Variants in TYW1 observed in about 807,000 individuals in gnomAD.
TYW1 encodes S-adenosyl-L-methionine-dependent tRNA 4-demethylwyosine synthase TYW1.
A neutral mutation model predicts 96.2 loss-of-function variants in TYW1; 46 were observed. The ratio of observed to expected loss-of-function variants is 0.48; its 90% CI spans 0.38 to 0.61. The LOEUF is 0.61. TYW1 is among the 20% of genes least tolerant of loss of function. The pLI is 0.00. For synonymous variants in TYW1, 274 were observed against 323.0 expected (o/e 0.85, Z 1.63); for missense variants, 684 against 909.6 (o/e 0.75, Z 3.19).
chr7:67,160,555 T>C (rs1799129361), intron 13 of TYW1, among the ~76,000 whole-genome samples: 1 of 108,920 alleles, frequency 9.2e-6, no homozygotes, highest in Admixed American at 8.8e-5. Flanking sequence ...CATATACATA[T>C]ACATATACAT....
chr7:67,208,712 A>G (rs1239168215), intron 15 of TYW1, among the ~76,000 whole-genome samples: 3 of 146,304 alleles, frequency 2.1e-5, no homozygotes, highest in Non-Finnish European at 3.0e-5. Context: ...AAAAAAAACC[A>G]CAACATTCTA....
intron 11 of TYW1, among the ~76,000 whole-genome samples, chr7:67,084,378 C>T (rs1486604520): frequency 6.6e-6 from 1 of 152,154 alleles, no homozygotes; most frequent in East Asian, 1.9e-4. Flanking sequence ...CTCATATTAA[C>T]AAATATTGAC....
intron 15 of TYW1, among the ~76,000 whole-genome samples, chr7:67,208,689 C>CAAAA (rs10623787): frequency 1.2e-4 from 9 of 76,160 alleles, no homozygotes; most frequent in South Asian, 8.8e-4. Context: ...GACGCTGTCT[C>CAAAA]AAAAAAAAAA....
chr7:67,169,278 G>C (rs1372779580), intron 13 of TYW1, among the ~76,000 whole-genome samples: 4 of 152,052 alleles, frequency 2.6e-5, no homozygotes, highest in Non-Finnish European at 5.9e-5. Context: ...GTGGCTTTTA[G>C]TTTATTTACA....
At chr7:67,210,941 C>A (rs538508156) in intron 15 of TYW1, among the ~76,000 whole-genome samples, 2 of 150,764 alleles carry the variant, frequency 1.3e-5, no homozygotes, top group Non-Finnish European at 3.0e-5. Context: ...TCCATCCATC[C>A]ATCATCTGTC....
At chr7:67,233,627 T>C (rs1801803061) in intron 15 of TYW1, among the ~76,000 whole-genome samples, 1 of 136,350 alleles carries the variant, frequency 7.3e-6, no homozygotes, top group Admixed American at 7.4e-5. Context: ...GGTGACCTCG[T>C]GTCTCAGGAT....
At chr7:67,192,751 G>A (rs542598216) in intron 14 of TYW1, among the ~76,000 whole-genome samples, 1 of 152,238 alleles carries the variant, frequency 6.6e-6, no homozygotes, top group Admixed American at 6.5e-5. Flanking sequence ...TTGACATAGG[G>A]TTTTTGAGGG....
intron 12 of TYW1, among the ~76,000 whole-genome samples, chr7:67,107,467 G>A (rs1319962314): frequency 6.6e-6 from 1 of 152,182 alleles, no homozygotes; most frequent in Non-Finnish European, 1.5e-5. Flanking sequence ...AGTGCAGAGA[G>A]GTGGCAAAAA....
In TYW1 at chr7:67,184,648, TTTATGTTATGTTATGTTATGTTATG is replaced by T. The variant is rs199573674; in HGVS notation, c.1809+1458_1809+1482del. On this transcript the variant is annotated intron_variant, in intron 14 of 15. Transcript: ENST00000359626. Reference sequence around the variant, plus strand: ...TTTTATTTTATTTTATTTTATTTTATTTATGTTATGTTATGTTATGTTATGTTATGTTATGTTATGTTATGTTATG... The same window carrying T: ...TTTTATTTTATTTTATTTTATTTTATTTATGTTATGTTATGTTATGTTATG... Among the ~76,000 whole-genome samples the T allele has an allele frequency of 1.0e-3, 46 of 44,322 alleles. 4 individuals are homozygous for T. Among genetic ancestry groups the T allele is most frequent in the African/African-American group, 3.5e-3 (34 of 9,770 alleles). 29.1% of individuals were successfully genotyped at this position (44,322 alleles called of 152,430 possible).
At chr7:67,027,026 C>G (rs560412464) in intron 7 of TYW1, among the ~76,000 whole-genome samples, 8 of 151,954 alleles carry the variant, frequency 5.3e-5, no homozygotes, top group Non-Finnish European at 1.0e-4. Context: ...TAGTGAAACC[C>G]CATCTCTACA....
intron 13 of TYW1, among the ~76,000 whole-genome samples, chr7:67,153,420 C>T (rs1004857527): frequency 6.6e-6 from 1 of 152,156 alleles, no homozygotes; most frequent in Admixed American, 6.5e-5. Context: ...TGTGCCACTG[C>T]ACTCCAGCCT....
At chr7:67,040,295 A>G (rs1794975421) in intron 7 of TYW1, among the ~76,000 whole-genome samples, 1 of 152,072 alleles carries the variant, frequency 6.6e-6, no homozygotes, top group African/African-American at 2.4e-5. Flanking sequence ...AGAGTTGGTC[A>G]TTTGATGTGC....
intron 9 of TYW1, among the ~76,000 whole-genome samples, chr7:67,066,015 ACACACACACACACACACC>A (rs1330813068): frequency 7.4e-6 from 1 of 134,706 alleles, no homozygotes; most frequent in South Asian, 2.4e-4. Flanking sequence ...ACACACACAC[ACACACACACACACACACC>A]CACACCCCTA....
chr7:67,022,187 A>G (rs1449273565), intron 6 of TYW1, among the ~76,000 whole-genome samples: 2 of 152,248 alleles, frequency 1.3e-5, no homozygotes, highest in Non-Finnish European at 2.9e-5. Context: ...TGTTGGGATT[A>G]TAAGTGTGAG....
At chr7:67,006,023 T>TTGCCATAAAGGAA (rs1793572561) in intron 3 of TYW1, among the ~76,000 whole-genome samples, 1 of 152,192 alleles carries the variant, frequency 6.6e-6, no homozygotes, top group Admixed American at 6.6e-5. Context: ...CTGTTTTGCA[T>TTGCCATAAAGGAA]TGCCATAAAG....
At chr7:67,190,060 A>T (rs1378990441) in intron 14 of TYW1, among the ~76,000 whole-genome samples, 1 of 151,826 alleles carries the variant, frequency 6.6e-6, no homozygotes, top group Non-Finnish European at 1.5e-5. Flanking sequence ...GGACGTGCTC[A>T]GTAATTATTT....
At chr7:67,096,652 GT>G (rs561246486) in intron 11 of TYW1, among the ~76,000 whole-genome samples, 4,533 of 151,218 alleles carry the variant, frequency 0.03, 193 homozygotes, top group African/African-American at 0.1. Flanking sequence ...TGTCATGGGG[GT>G]TTGTTGTACA....
At chr7:67,194,869 G>A (rs2844097) in intron 14 of TYW1, among the ~76,000 whole-genome samples, 20,381 of 118,824 alleles carry the variant, frequency 0.17, 2,648 homozygotes, top group African/African-American at 0.3. Context: ...AAGACATGCT[G>A]TTGATTCAAA....
intron 7 of TYW1, among the ~76,000 whole-genome samples, chr7:67,030,890 A>G (rs573364524): frequency 3.4e-4 from 51 of 152,104 alleles, no homozygotes; most frequent in African/African-American, 1.2e-3. Flanking sequence ...AATAGATTAC[A>G]TTACATCAAA....
Sources: allele counts gnomAD v4.1 joint callset (sites outside exome capture counted in the v4.1 genomes callset), GRCh38; gene constraint gnomAD v4.1.1; transcripts MANE v1.5; gene names NCBI Gene and HGNC (gene_info 2026-07-23, HGNC 2026-07-21).